Variants in PXDN observed in about 807,000 individuals in gnomAD.
The protein encoded by PXDN is peroxidasin.
PXDN carries 77 observed loss-of-function variants against 140.3 expected under a neutral mutation model. The ratio of observed to expected loss-of-function variants is 0.55; its 90% CI spans 0.46 to 0.66. The LOEUF (loss-of-function observed/expected upper bound fraction) is 0.66, where lower values mean the gene tolerates loss of function less well. Ranked by LOEUF, PXDN falls within the 30% of genes least tolerant of loss-of-function variation. PXDN has a pLI of 0.00. For synonymous variants in PXDN, 911 were observed against 857.4 expected (o/e 1.06, Z -1.09); for missense variants, 1,838 against 2,039.5 (o/e 0.90, Z 1.90).
intron 1 of PXDN, among the ~76,000 whole-genome samples, chr2:1,699,398 C>T (rs1326399358): frequency 1.3e-5 from 2 of 152,292 alleles, no homozygotes; most frequent in African/African-American, 4.8e-5. Context: ...TGTTTGAATT[C>T]ATTTTTAAAT....
intron 1 of PXDN, among the ~76,000 whole-genome samples, chr2:1,737,360 G>T (rs1479060307): frequency 6.6e-6 from 1 of 152,024 alleles, no homozygotes; most frequent in African/African-American, 2.4e-5. Flanking sequence ...TCGTATCTAC[G>T]CCAGGATAAT....
chr2:1,726,344 C>T (rs917037908), intron 1 of PXDN, among the ~76,000 whole-genome samples: 1 of 148,994 alleles, frequency 6.7e-6, no homozygotes, highest in East Asian at 2.0e-4. Flanking sequence ...AACCAAACAC[C>T]GCATATTCTC....
At chr2:1,727,632 CT>C in intron 1 of PXDN, among the ~76,000 whole-genome samples, 1 of 152,250 alleles carries the variant, frequency 6.6e-6, no homozygotes, top group South Asian at 2.1e-4. Context: ...CTTCCCATCC[CT>C]CTCAAGAACA....
Position 1,649,760 on chromosome 2 carries a change from A to G in PXDN, c.2105-85T>C. 6.9e-7 allele frequency: 1 copy of G among 1,450,848 alleles called. No homozygotes were observed. The highest frequency in any genetic ancestry group is 9.6e-7 in the Non-Finnish European group (1 of 1,042,154). The allele number at this position is 1,450,848 out of a possible 1,614,324, so 89.9% of individuals were successfully genotyped here. A position where few individuals can be genotyped will look rare whatever the true frequency, so the allele number is the denominator to read the frequency against. On this transcript the variant is annotated intron_variant, in intron 16 of 22. Transcript: ENST00000252804. The surrounding 1 kb of genome is among the most constrained non-coding windows in gnomAD (Gnocchi z 7.1). ...GTACCCCTTGGCACCTCTGCCGCTG[A>G]CATGGGGCTATCTACCCCCAGCTCA... is the stretch of plus-strand genomic sequence containing the variant.
intron 12 of PXDN, 147 bp from the exon 13 acceptor site, chr2:1,662,331 C>A: frequency 1.4e-6 from 1 of 722,998 alleles, no homozygotes. Context: ...TCTCTGCCTC[C>A]CAGCAGCCTC....
intron 1 of PXDN, among the ~76,000 whole-genome samples, chr2:1,716,014 T>C (rs1234993433): frequency 2.0e-5 from 3 of 151,980 alleles, no homozygotes; most frequent in Non-Finnish European, 4.4e-5. Context: ...TGACGGCAGG[T>C]GGTGGAGTGT....
chr2:1,645,855 C>T (rs931413122), intron 17 of PXDN: 1 of 152,346 alleles, frequency 6.6e-6, no homozygotes, highest in Non-Finnish European at 1.5e-5. Context: ...GGTGCCTGCT[C>T]TCTTCTGTCC....
intron 19 of PXDN, among the ~76,000 whole-genome samples, chr2:1,642,689 G>A (rs114237100): frequency 0.012 from 1,898 of 152,346 alleles, 38 homozygotes; most frequent in African/African-American, 0.043. Flanking sequence ...TGGAAATGGA[G>A]GTTAACCAAG....
At chr2:1,653,965 C>T (rs570994808) in intron 15 of PXDN, 180 bp from the exon 16 acceptor site, 5 of 693,860 alleles carry the variant, frequency 7.2e-6, no homozygotes, top group East Asian at 5.7e-5. Context: ...AACAAACAGA[C>T]AAAAACCGGA....
chr2:1,712,287 T>A (rs74500612), intron 1 of PXDN, among the ~76,000 whole-genome samples: 1 of 152,264 alleles, frequency 6.6e-6, no homozygotes, highest in Non-Finnish European at 1.5e-5. Context: ...AATGCAGTCA[T>A]AATATTTAAA....
chr2:1,731,775 G>A (rs556449575), intron 1 of PXDN, among the ~76,000 whole-genome samples: 55 of 152,270 alleles, frequency 3.6e-4, no homozygotes, highest in African/African-American at 1.2e-3. Flanking sequence ...CATTTGCACG[G>A]GGTTTTGTGT....
At chr2:1,734,163 C>T (rs1211689884) in intron 1 of PXDN, among the ~76,000 whole-genome samples, 1 of 152,138 alleles carries the variant, frequency 6.6e-6, no homozygotes, top group Admixed American at 6.5e-5. Context: ...GCCCAGATCA[C>T]TGAAATAAGT....
chr2:1,660,702 A>G lies in PXDN; in HGVS notation c.1837+179T>C, dbSNP rs1357541289. ...GCCTCCAGGTGCCTGTGTGGAGGGG[A>G]GGGGCTGTCGAGCAGCCCGGCCATG... On this transcript the variant is annotated intron_variant, in intron 14 of 22. Transcript: ENST00000252804. The surrounding 1 kb of genome is among the most constrained non-coding windows in gnomAD (Gnocchi z 4.6). Among the ~76,000 whole-genome samples, 1 of 152,088 alleles carries G rather than the reference A, an allele frequency of 6.6e-6. No homozygotes were observed. Among genetic ancestry groups the G allele is most frequent in the Non-Finnish European group, 1.5e-5 (1 of 68,016 alleles).
In PXDN at chr2:1,644,752, CCTAAAAAATA is replaced by C; in HGVS notation, c.3609-10_3609-1del. On this transcript the variant is annotated splice_acceptor_variant and splice_polypyrimidine_tract_variant and intron_variant, in intron 17 of 22. Transcript: ENST00000252804. LOFTEE classifies it high-confidence loss of function. ...CGATGTTGAGTGTCGAGCCATACAA[CCTAAAAAATA>C]AAGAGAAAACTGAAATCTACCTAAC... The C allele has an allele frequency of 6.6e-7, 1 of 1,511,410 alleles. No homozygotes were observed. Among genetic ancestry groups the C allele is most frequent in the Non-Finnish European group, 8.9e-7 (1 of 1,121,710 alleles). 93.6% of individuals were successfully genotyped at this position (1,511,410 alleles called of 1,614,324 possible).
At chr2:1,680,064 A>G (rs1683851986) in intron 7 of PXDN, 129 bp downstream of exon 7, 1 of 1,204,674 alleles carries the variant, frequency 8.3e-7, no homozygotes, top group Non-Finnish European at 1.1e-6. Context: ...GCGTGTGTCT[A>G]TAAATGGTGT....
intron 4 of PXDN, among the ~76,000 whole-genome samples, chr2:1,686,425 CCT>C (rs67397406): frequency 0.31 from 46,412 of 151,828 alleles, 7,243 homozygotes; most frequent in East Asian, 0.57. Flanking sequence ...TCGTTTCTCC[CCT>C]GACTTGCCCT....
rs562612879 is a variant in PXDN at position 1,724,172 on chromosome 2, C to T, written c.200+20084G>A. 5.9e-5 allele frequency among the ~76,000 whole-genome samples: 9 copies of T among 152,326 alleles called. No individual in the cohort carries two copies. In the South Asian group the frequency reaches 1.0e-3, roughly 18 times the overall value. On this transcript the variant is annotated intron_variant, in intron 1 of 22. Coordinates refer to ENST00000252804, the MANE Select transcript of PXDN (RefSeq NM_012293.3). ...AACAATTCTCAGTGAAGAAATCTTC[C>T]TGCCTGAAAGTTGTTATAGTCTTAT... is the stretch of plus-strand genomic sequence containing the variant.
chr2:1,689,460 C>T (rs1161786814), intron 3 of PXDN, among the ~76,000 whole-genome samples: 1 of 152,142 alleles, frequency 6.6e-6, no homozygotes, highest in African/African-American at 2.4e-5. Flanking sequence ...TTTATAAAGA[C>T]ATTGGAACGT....
chr2:1,722,151 A>G (rs1365279071), intron 1 of PXDN, among the ~76,000 whole-genome samples: 3 of 152,354 alleles, frequency 2.0e-5, no homozygotes, highest in South Asian at 2.1e-4. Flanking sequence ...ACTATCAGGA[A>G]GTTTCTGAGC....
Sources: gnomAD v4.1 joint callset for allele counts (sites outside exome capture counted in the v4.1 genomes callset) on GRCh38, gnomAD v4.1.1 for gene constraint, Gnocchi (gnomAD v3.1) non-coding constraint, MANE v1.5 for transcripts, NCBI Gene and HGNC (gene_info 2026-07-23, HGNC 2026-07-21) for gene names.